Variants in EDIL3 observed in about 807,000 individuals in gnomAD.
EDIL3 encodes the protein EGF-like repeat and discoidin I-like domain-containing protein 3.
In EDIL3, 37 loss-of-function variants were observed where a neutral mutation model predicts 67.4. That is an observed-to-expected ratio of 0.55 (90% CI 0.42 to 0.72). EDIL3 has a LOEUF of 0.72. Among genes scored for constraint, EDIL3 ranks in the 30% least tolerant of loss-of-function variants. EDIL3 has a pLI of 0.00. For missense variants in EDIL3, 527 were observed against 586.3 expected, an observed-to-expected ratio of 0.90 and a Z score of 1.04; for synonymous variants, 195 against 196.3, an observed-to-expected ratio of 0.99 and a Z score of 0.05.
chr5:83,973,239 GA>G, intron 9 of EDIL3, among the ~76,000 whole-genome samples: 1 of 152,066 alleles, frequency 6.6e-6, no homozygotes, highest in Middle Eastern at 3.4e-3. Flanking sequence ...GTGGTTAATT[GA>G]ATTAGTCTAT....
intron 9 of EDIL3, among the ~76,000 whole-genome samples, chr5:84,008,210 C>G (rs570056112): frequency 1.3e-5 from 2 of 152,004 alleles, no homozygotes; most frequent in Admixed American, 6.6e-5. Flanking sequence ...GAAATAAGAT[C>G]TAGTATTTGA....
At chr5:84,334,262 C>A (rs1278877021) in intron 1 of EDIL3, among the ~76,000 whole-genome samples, 3 of 151,958 alleles carry the variant, frequency 2.0e-5, no homozygotes, top group African/African-American at 7.3e-5. Flanking sequence ...CAGAGTTTCA[C>A]CATGTTGGGC....
intron 6 of EDIL3, chr5:84,078,760 T>C (rs1252238341): frequency 6.6e-6 from 1 of 152,166 alleles, no homozygotes; most frequent in African/African-American, 2.4e-5. Context: ...GAAAATGACT[T>C]AAGTATGGCC....
chr5:84,288,499 C>A (rs980883842), intron 1 of EDIL3, among the ~76,000 whole-genome samples: 2 of 152,044 alleles, frequency 1.3e-5, no homozygotes, highest in African/African-American at 2.4e-5. Flanking sequence ...ATAATGCAGG[C>A]CCTGACCAAC....
intron 4 of EDIL3, among the ~76,000 whole-genome samples, chr5:84,177,123 C>A (rs1393784754): frequency 6.6e-6 from 1 of 152,086 alleles, no homozygotes; most frequent in African/African-American, 2.4e-5. Context: ...TATGTCCACA[C>A]AAAAACCTGC....
At chr5:84,156,447 G>A (rs1454531950) in intron 4 of EDIL3, among the ~76,000 whole-genome samples, 2 of 152,100 alleles carry the variant, frequency 1.3e-5, no homozygotes, top group Non-Finnish European at 2.9e-5. Flanking sequence ...CCTGTATGCT[G>A]TCATCTAGAA....
chr5:84,232,709 G>A (rs1049809497), intron 2 of EDIL3, among the ~76,000 whole-genome samples: 1 of 152,146 alleles, frequency 6.6e-6, no homozygotes, highest in Admixed American at 6.5e-5. Flanking sequence ...ATGGGTAGAT[G>A]TCATTAACCA....
chr5:84,028,608 T>C (rs1028064127), intron 9 of EDIL3, among the ~76,000 whole-genome samples: 2 of 152,088 alleles, frequency 1.3e-5, no homozygotes, highest in Non-Finnish European at 2.9e-5. Flanking sequence ...AATCAATGGA[T>C]ACTTTATTAG....
intron 6 of EDIL3, among the ~76,000 whole-genome samples, chr5:84,084,134 A>AGGAGGG (rs1747026404): frequency 6.6e-6 from 1 of 152,218 alleles, no homozygotes; most frequent in African/African-American, 2.4e-5. Context: ...AGCAAGAAAT[A>AGGAGGG]AATTATTTGA....
intron 3 of EDIL3, among the ~76,000 whole-genome samples, chr5:84,206,177 A>G (rs1743975512): frequency 6.6e-6 from 1 of 152,100 alleles, no homozygotes; most frequent in African/African-American, 2.4e-5. Context: ...GGTACCCAGT[A>G]GTCATTCAGG....
intron 5 of EDIL3, 25 bp downstream of exon 5, chr5:84,137,216 C>T: frequency 1.5e-5 from 23 of 1,508,764 alleles, no homozygotes; most frequent in East Asian, 2.3e-5. Flanking sequence ...CACACACACA[C>T]ACATACACAC....
intron 6 of EDIL3, among the ~76,000 whole-genome samples, chr5:84,069,439 C>T (rs1561421293): frequency 6.6e-6 from 1 of 151,916 alleles, no homozygotes; most frequent in Non-Finnish European, 1.5e-5. Context: ...TTAATTTCCT[C>T]CCTGTAAAGG....
chr5:84,312,205 C>T (rs571204808), intron 1 of EDIL3, among the ~76,000 whole-genome samples: 63 of 147,264 alleles, frequency 4.3e-4, no homozygotes, highest in African/African-American at 1.4e-3. Flanking sequence ...CCCCACCTCC[C>T]TCCCCGACGG....
chr5:84,320,491 A>G (rs1293614574), intron 1 of EDIL3, among the ~76,000 whole-genome samples: 2 of 151,928 alleles, frequency 1.3e-5, no homozygotes, highest in Non-Finnish European at 2.9e-5. Context: ...CAGCCCATCC[A>G]AGGAAAGGGA....
At chr5:84,116,509 G>C (rs1189123894) in intron 5 of EDIL3, among the ~76,000 whole-genome samples, 8 of 152,084 alleles carry the variant, frequency 5.3e-5, no homozygotes, top group Non-Finnish European at 8.8e-5. Context: ...TTCAAAGCCT[G>C]CTCTCTAAGT....
At chr5:84,135,869 AATT>A (rs1387245244) in intron 5 of EDIL3, among the ~76,000 whole-genome samples, 1 of 151,870 alleles carries the variant, frequency 6.6e-6, no homozygotes, top group African/African-American at 2.4e-5. Flanking sequence ...TTCAGAGTTT[AATT>A]ATTTTGTGTG....
intron 9 of EDIL3, among the ~76,000 whole-genome samples, chr5:84,055,926 C>G (rs575156636): frequency 4.6e-5 from 7 of 152,060 alleles, no homozygotes; most frequent in Non-Finnish European, 1.5e-5. Flanking sequence ...TCTAGAACTA[C>G]AAATATCATT....
chr5:84,304,548 T>C (rs1324682062), intron 1 of EDIL3, among the ~76,000 whole-genome samples: 1 of 152,190 alleles, frequency 6.6e-6, no homozygotes, highest in Non-Finnish European at 1.5e-5. Context: ...GAGAAAAAAG[T>C]TCTAGTTCTA....
chr5:84,333,726 T>A (rs1746924537), intron 1 of EDIL3, among the ~76,000 whole-genome samples: 1 of 152,196 alleles, frequency 6.6e-6, no homozygotes, highest in Non-Finnish European at 1.5e-5. Context: ...TTCTATTTCC[T>A]ACTATAGCAT....
Sources: allele counts gnomAD v4.1 joint callset (sites outside exome capture counted in the v4.1 genomes callset), GRCh38; gene constraint gnomAD v4.1.1; transcripts MANE v1.5; gene names NCBI Gene and HGNC (gene_info 2026-07-23, HGNC 2026-07-21).